ZNF536: variants seen among roughly 807,000 people sequenced by gnomAD.
ZNF536 encodes the protein zinc finger protein 536.
A neutral mutation model predicts 84.5 loss-of-function variants in ZNF536; 13 were observed. That is an observed-to-expected ratio of 0.15 (90% CI 0.10 to 0.24). The LOEUF (loss-of-function observed/expected upper bound fraction) is 0.24, where lower values mean the gene tolerates loss of function less well. Among genes scored for constraint, ZNF536 ranks in the 10% least tolerant of loss-of-function variants. ZNF536 has a pLI of 1.00. For synonymous variants in ZNF536, 811 were observed against 742.5 expected (o/e 1.09, Z -1.50); for missense variants, 1,536 against 1,747.5 (o/e 0.88, Z 2.16).
intron 2 of ZNF536, among the ~76,000 whole-genome samples, chr19:30,308,955 C>T (rs2046419068): frequency 6.6e-6 from 1 of 152,102 alleles, no homozygotes; most frequent in Admixed American, 6.5e-5. Context: ...TCCCCCCAGC[C>T]CTGTCCCCTG....
At chr19:30,379,258 C>T (rs1436901987) in intron 1 of ZNF536, among the ~76,000 whole-genome samples, 1 of 152,116 alleles carries the variant, frequency 6.6e-6, no homozygotes, top group Non-Finnish European at 1.5e-5. Context: ...TGGTCCTGGC[C>T]ACTTCCTGAA....
intron 2 of ZNF536, among the ~76,000 whole-genome samples, chr19:30,335,724 A>C (rs1414074962): frequency 6.6e-6 from 1 of 152,184 alleles, no homozygotes; most frequent in African/African-American, 2.4e-5. Context: ...GCCCTTGTGC[A>C]CGGATAGAAT....
At chr19:30,544,312 C>G (rs146307203) in intron 3 of ZNF536, among the ~76,000 whole-genome samples, 1 of 152,284 alleles carries the variant, frequency 6.6e-6, no homozygotes, top group Non-Finnish European at 1.5e-5. Context: ...CTTTCTAGAA[C>G]CTTGCATAGC....
intron 2 of ZNF536, among the ~76,000 whole-genome samples, chr19:30,308,211 T>A (rs2046397500): frequency 6.6e-6 from 1 of 151,894 alleles, no homozygotes; most frequent in Non-Finnish European, 1.5e-5. Flanking sequence ...GGGACAGAAG[T>A]GTATGGTTTG....
rs544126709 is a variant in ZNF536, at chr19:30,397,752, C to A, written c.-3+25196C>A. Among the ~76,000 whole-genome samples, 11 of 152,252 alleles carry A rather than the reference C, an allele frequency of 7.2e-5. No homozygotes were observed. In the South Asian group the frequency reaches 1.0e-3, roughly 14 times the overall value. Reference sequence around the variant, plus strand: ...CAACAATAAGACCCCTTAATGATTACAAGGTATTAGAGCTTGGACAAGGGG... The same window carrying A: ...CAACAATAAGACCCCTTAATGATTAAAAGGTATTAGAGCTTGGACAAGGGG... On this transcript the variant is annotated intron_variant, in intron 1 of 4. Coordinates refer to ENST00000355537, the MANE Select transcript of ZNF536 (RefSeq NM_014717.3).
intron 4 of ZNF536, among the ~76,000 whole-genome samples, chr19:30,552,796 G>A (rs918488754): frequency 2.0e-5 from 3 of 152,178 alleles, no homozygotes; most frequent in African/African-American, 7.2e-5. Flanking sequence ...GACGCCTGTT[G>A]CATATGACAG....
intron 2 of ZNF536, among the ~76,000 whole-genome samples, chr19:30,449,549 G>A (rs955697238): frequency 6.6e-6 from 1 of 152,150 alleles, no homozygotes; most frequent in Admixed American, 6.5e-5. Flanking sequence ...ATCCAACAGG[G>A]CAGTTACCTT....
chr19:30,421,982 G>A (rs2050979325), intron 1 of ZNF536, among the ~76,000 whole-genome samples: 1 of 152,166 alleles, frequency 6.6e-6, no homozygotes, highest in South Asian at 2.1e-4. Context: ...CCTTTTAAAT[G>A]CATTAAAGTA....
chr19:30,609,749 TCCAC>T (rs2048022600), intron 1 of ZNF536, among the ~76,000 whole-genome samples: 2 of 149,952 alleles, frequency 1.3e-5, no homozygotes, highest in African/African-American at 4.9e-5. Flanking sequence ...CATCCACCCA[TCCAC>T]CTATCCATCC....
Position 30,357,039 on chromosome 19 carries a change from TCA to T in ZNF536, c.-3+4556_-3+4557del, listed in dbSNP as rs1180013124. On this transcript the variant is annotated intron_variant, in intron 3 of 5. Transcript: ENST00000585628. Reference sequence around the variant, plus strand: ...GACAAGACAGACAAGGGCCCTGTCCTCAGAGGACTGATAATATGGGCGTTGAG... The same window carrying T: ...GACAAGACAGACAAGGGCCCTGTCCTGAGGACTGATAATATGGGCGTTGAG... 5.9e-5 allele frequency among the ~76,000 whole-genome samples: 9 copies of T among 152,356 alleles called. No homozygotes were observed. The East Asian group carries it at 1.2e-3, about 20-fold the overall frequency.
intron 2 of ZNF536, among the ~76,000 whole-genome samples, chr19:30,515,290 T>C (rs1163836749): frequency 6.6e-6 from 1 of 152,072 alleles, no homozygotes; most frequent in Non-Finnish European, 1.5e-5. Context: ...TAACAACAAC[T>C]TCTGCCCCAA....
At chr19:30,576,323 T>C (rs1328933793) in intron 1 of ZNF536, among the ~76,000 whole-genome samples, 5 of 152,078 alleles carry the variant, frequency 3.3e-5, no homozygotes, top group Non-Finnish European at 2.9e-5. Context: ...GGACACTCTG[T>C]TCCAAGCCTG....
At chr19:30,450,844 C>G (rs542463323) in intron 2 of ZNF536, among the ~76,000 whole-genome samples, 1 of 152,068 alleles carries the variant, frequency 6.6e-6, no homozygotes, top group African/African-American at 2.4e-5. Context: ...TTTTTCTGCC[C>G]CCAGCCCACC....
intron 1 of ZNF536, among the ~76,000 whole-genome samples, chr19:30,273,273 A>G (rs2025954753): frequency 6.6e-6 from 1 of 152,146 alleles, no homozygotes; most frequent in South Asian, 2.1e-4. Context: ...ATCAAGGAGC[A>G]TGATTGCTGG....
rs184081012 is a variant in ZNF536, at chr19:30,619,641, C to T, written c.169+70127C>T. On this transcript the variant is annotated intron_variant, in intron 1 of 1. Transcript: ENST00000592773. The stretch of plus-strand genomic sequence containing the variant: ...AGCTCACCGACTCACATGCACACCC[C>T]CAGTATTCCACATTCCATTCTGCTT... Among the ~76,000 whole-genome samples the T allele has an allele frequency of 2.3e-3, 347 of 152,310 alleles. 4 individuals are homozygous for T. The highest frequency in any genetic ancestry group is 7.5e-3 in the African/African-American group (311 of 41,574).
intron 3 of ZNF536, 139 bp downstream of exon 3, chr19:30,535,138 G>A: frequency 1.0e-6 from 1 of 961,626 alleles, no homozygotes; most frequent in Non-Finnish European, 1.5e-6. Context: ...AGCCACCATT[G>A]TATGGCTCAG....
chr19:30,538,351 TATCAGATGGCAC>T (rs1252137565), intron 3 of ZNF536, among the ~76,000 whole-genome samples: 2 of 152,140 alleles, frequency 1.3e-5, no homozygotes, highest in Admixed American at 1.3e-4. Context: ...TTAATTGGGA[TATCAGATGGCAC>T]CTTCTCTGTA....
intron 1 of ZNF536, among the ~76,000 whole-genome samples, chr19:30,589,208 C>G (rs986172386): frequency 6.6e-6 from 1 of 152,178 alleles, no homozygotes; most frequent in African/African-American, 2.4e-5. Flanking sequence ...TGCATCTGCT[C>G]TTTGTGTTGG....
chr19:30,343,640 C>T (rs181465852), intron 2 of ZNF536, among the ~76,000 whole-genome samples: 6 of 152,292 alleles, frequency 3.9e-5, no homozygotes, highest in African/African-American at 1.2e-4. Context: ...ATAGCATGTG[C>T]GTGATTTTCA....
Sources: allele counts gnomAD v4.1 joint callset (sites outside exome capture counted in the v4.1 genomes callset), GRCh38; gene constraint gnomAD v4.1.1; transcripts MANE v1.5; gene names NCBI Gene and HGNC (gene_info 2026-07-23, HGNC 2026-07-21).